The following ASH2L variants were observed in gnomAD, a reference collection of about 807,000 sequenced individuals.
ASH2L encodes the protein ASH2 like, histone lysine methyltransferase complex subunit.
Under a neutral mutation model 81.1 loss-of-function variants are expected in ASH2L, and 30 were observed. The observed-to-expected ratio is 0.37, with a 90% CI of 0.28 to 0.50. The LOEUF (loss-of-function observed/expected upper bound fraction) is 0.50. Ranked by LOEUF, ASH2L falls within the 20% of genes least tolerant of loss-of-function variation. The probability of loss-of-function intolerance (pLI) is 0.95; values close to 1 mark genes in which losing one functional copy is unlikely to be tolerated. For missense variants in ASH2L, 559 were observed against 792.1 expected, an observed-to-expected ratio of 0.71 and a Z score of 3.53; for synonymous variants, 273 against 279.9, an observed-to-expected ratio of 0.98 and a Z score of 0.24.
rs1419868428 is a variant in ASH2L, at chr8:38,105,581, G to C, written c.31G>C (p.Glu11Gln). Residue 11 changes from glutamate (E) to glutamine (Q), a missense_variant, in exon 1 of 16, where the codon GAA (glutamate) becomes CAA (glutamine). Physicochemically the swap from Glu to Gln is conservative, Grantham distance 29 (BLOSUM62 2). Transcript: ENST00000343823. ...GGCGGCAGGAGCAGGACCTGGCCAG[G>C]AAGCGGGTGCCGGGCCTGGCCCAGG... MAAAGAGPGQ[E>Q]AGAGPGPGAV... is the part of the protein sequence containing the mutation. 1 of 1,587,922 alleles carries C rather than the reference G, an allele frequency of 6.3e-7. No individual in the cohort carries two copies.
In ASH2L at chr8:38,138,968, G is replaced by A; in HGVS notation, c.1784G>A (p.Ser595Asn). 1 of 1,613,928 alleles carries A rather than the reference G, an allele frequency of 6.2e-7. No individual in the cohort carries two copies. The highest frequency in any genetic ancestry group is 8.5e-7 in the Non-Finnish European group (1 of 1,179,820). ...TGTTTCTCATTCCTCCTGCAGATGA[G>A]TGACATGGGCTGGGGCGCCGTGGTA... ...PPKDLTYRPM[S>N]DMGWGAVVEH... Residue 595 changes from serine to asparagine, a missense_variant, in exon 16 of 16, where the codon AGT becomes AAT. By Grantham distance (46) the Ser-to-Asn change is conservative. This residue lies in a region of ASH2L where 95 missense variants were observed against 130.7 expected (regional missense o/e 0.73). Transcript: ENST00000343823.
At chr8:38,122,337 CT>C in intron 10 of ASH2L, 2 of 152,208 alleles carry the variant, frequency 1.3e-5, no homozygotes, top group South Asian at 2.1e-4. Context: ...GCCCTGGTTC[CT>C]TTGATTGGAG....
At chr8:38,116,520 A>G in intron 7 of ASH2L, 130 bp from the exon 8 acceptor site, 1 of 719,236 alleles carries the variant, frequency 1.4e-6, no homozygotes, top group Non-Finnish European at 2.4e-6. Flanking sequence ...GCAATAGAGT[A>G]AGGCCCCATC....
At position 38,135,626 on chromosome 8, in the gene ASH2L, C is replaced by T. The variant is rs747394188; in HGVS notation, c.1621-42C>T. The stretch of plus-strand genomic sequence containing the variant: ...CTAGAGAGTTCTTTTTTTGTTTGTT[C>T]TTTTTTACAGTTCTGAAGTAAAACC... On this transcript the variant is annotated intron_variant, in intron 13 of 15. Coordinates refer to ENST00000343823, the MANE Select transcript of ASH2L (RefSeq NM_004674.5). The T allele has an allele frequency of 4.1e-6, 6 of 1,450,972 alleles. No individual in the cohort carries two copies. The Admixed American group carries it at 5.9e-5, about 14-fold the overall frequency. The allele number at this position is 1,450,972 out of a possible 1,614,324, so 89.9% of individuals were successfully genotyped here.
chr8:38,109,138 GAT>G (rs1810578281), intron 3 of ASH2L, among the ~76,000 whole-genome samples: 1 of 152,194 alleles, frequency 6.6e-6, no homozygotes, highest in Admixed American at 6.5e-5. Context: ...TTACAACTGA[GAT>G]AGAGAATGTG....
At chr8:38,127,737 T>C (rs1266928474) in intron 10 of ASH2L, among the ~76,000 whole-genome samples, 42 of 123,978 alleles carry the variant, frequency 3.4e-4, no homozygotes, top group Admixed American at 8.4e-5. Flanking sequence ...AACAAGACTC[T>C]GTCTCAAAAA....
In ASH2L at chr8:38,117,533, CTT is replaced by C; in HGVS notation, c.853+812_853+813del. ...TAAGTATTTTGTGGTTTGGAAAATG[CTT>C]TTTGCTGAGCTATGGTAGAAGCTAA... On this transcript the variant is annotated intron_variant, in intron 8 of 15. Transcript: ENST00000343823. 4.2e-6 allele frequency: 4 copies of C among 941,756 alleles called. No homozygotes were observed. In the South Asian group the frequency reaches 1.5e-4, roughly 35 times the overall value. 58.3% of individuals were successfully genotyped at this position (941,756 alleles called of 1,614,324 possible).
intron 9 of ASH2L, 92 bp from the exon 10 acceptor site, chr8:38,120,840 C>T: frequency 9.5e-7 from 1 of 1,049,854 alleles, no homozygotes; most frequent in Non-Finnish European, 1.4e-6. Context: ...TGTATTCTAG[C>T]TGAAATAAAC....
At chr8:38,132,034 A>C (rs1489504332) in intron 12 of ASH2L, among the ~76,000 whole-genome samples, 1 of 152,146 alleles carries the variant, frequency 6.6e-6, no homozygotes, top group Non-Finnish European at 1.5e-5. Flanking sequence ...TTTTTAGTAG[A>C]GACGGGGTTG....
At chr8:38,136,786 AGAAAG>A (rs1802273479) in intron 14 of ASH2L, among the ~76,000 whole-genome samples, 2 of 149,280 alleles carry the variant, frequency 1.3e-5, no homozygotes, top group Admixed American at 1.3e-4. Flanking sequence ...AAAAAAAAAA[AGAAAG>A]AAAAGAAAAG....
chr8:38,107,797 A>G (rs2130467802), intron 3 of ASH2L, among the ~76,000 whole-genome samples: 1 of 152,148 alleles, frequency 6.6e-6, no homozygotes, highest in Non-Finnish European at 1.5e-5. Context: ...TTTATAAAAG[A>G]CTATCTAAAC....
rs371527997 is a variant in ASH2L, at chr8:38,128,970, G to T, written c.1527+19G>T. On this transcript the variant is annotated intron_variant, in intron 12 of 15. Coordinates refer to ENST00000343823, the MANE Select transcript of ASH2L (RefSeq NM_004674.5). Reference sequence around the variant, plus strand: ...AGATAAGGTGAGTTTGTCCTCTCCCGGCAGATTCCTGGCTTTGAAGGCCTG... The same window carrying T: ...AGATAAGGTGAGTTTGTCCTCTCCCTGCAGATTCCTGGCTTTGAAGGCCTG... The T allele has an allele frequency of 3.7e-6, 6 of 1,603,550 alleles. No individual in the cohort carries two copies. Among genetic ancestry groups the T allele is most frequent in the East Asian group, 4.5e-5 (2 of 44,784 alleles).
At chr8:38,116,615 G>T (rs772698182) in intron 7 of ASH2L, 35 bp from the exon 8 acceptor site, 23 of 1,542,824 alleles carry the variant, frequency 1.5e-5, no homozygotes, top group Non-Finnish European at 2.0e-5. Context: ...ACTGACTTAC[G>T]TAGACTCCTT....
intron 7 of ASH2L, among the ~76,000 whole-genome samples, 166 bp downstream of exon 7, chr8:38,115,166 C>A (rs1406627560): frequency 2.0e-5 from 3 of 152,192 alleles, no homozygotes; most frequent in Non-Finnish European, 2.9e-5. Flanking sequence ...TACTCACCTT[C>A]AACCAAGAGA....
intron 2 of ASH2L, among the ~76,000 whole-genome samples, 154 bp downstream of exon 2, chr8:38,106,598 C>G (rs1403491251): frequency 6.6e-6 from 1 of 151,526 alleles, no homozygotes; most frequent in Non-Finnish European, 1.5e-5. Context: ...ACCTCCTCCC[C>G]CCGGGTTCCA....
At chr8:38,105,924 C>A in intron 1 of ASH2L, 186 bp downstream of exon 1, 2 of 1,486,002 alleles carry the variant, frequency 1.3e-6, no homozygotes, top group South Asian at 1.3e-5. Context: ...CCTTCCGCAC[C>A]TTTCACGGGC....
At chr8:38,137,878 A>G (rs967576105) in intron 14 of ASH2L, 1 of 152,230 alleles carries the variant, frequency 6.6e-6, no homozygotes, top group Non-Finnish European at 1.5e-5. Flanking sequence ...TTAGAAGTTT[A>G]TTTTGCCAAA....
Position 38,133,525 on chromosome 8 carries a change from G to A in ASH2L, c.1599G>A (p.Leu533=), listed in dbSNP as rs369533020. 5.6e-6 allele frequency: 9 copies of A among 1,611,240 alleles called. No individual in the cohort carries two copies. In the Admixed American group the frequency reaches 1.0e-4, roughly 18 times the overall value. ...KDFVDKAEKS[L]KQTPHSEIIF... ...TTGTGGATAAAGCAGAGAAGAGCCT[G>A]AAGCAGACTCCCCATAGTGAGGTGA... The change falls in exon 13 of 16, where the codon CTG becomes CTA. Residue 533 remains leucine, a synonymous_variant. Coordinates refer to ENST00000343823, the MANE Select transcript of ASH2L (RefSeq NM_004674.5).
At chr8:38,123,082 CTTTTTTTTT>C (rs59410420) in intron 10 of ASH2L, among the ~76,000 whole-genome samples, 1 of 100,904 alleles carries the variant, frequency 9.9e-6, no homozygotes, top group Non-Finnish European at 1.8e-5. Flanking sequence ...TTCAGAATTT[CTTTTTTTTT>C]TTTTTTTTTT....
Sources: gnomAD v4.1 joint callset for allele counts (sites outside exome capture counted in the v4.1 genomes callset) on GRCh38, gnomAD v4.1.1 for gene constraint, gnomAD v4.1.1 regional missense constraint, MANE v1.5 for transcripts, NCBI Gene and HGNC (gene_info 2026-07-23, HGNC 2026-07-21) for gene names.